The following PIEZO1 variants were observed in gnomAD, a reference collection of about 807,000 sequenced individuals.
PIEZO1 encodes the protein piezo type mechanosensitive ion channel component 1 (Er blood group), also known as piezo-type mechanosensitive ion channel component 1.
In PIEZO1, 296 loss-of-function variants were observed where a neutral mutation model predicts 297.2. The ratio of observed to expected loss-of-function variants is 1.00; its 90% confidence interval spans 0.91 to 1.10. The LOEUF (loss-of-function observed/expected upper bound fraction) is 1.10, where lower values mean the gene tolerates loss of function less well. Ranked by LOEUF, PIEZO1 falls within the 50% of genes least tolerant of loss-of-function variation. The pLI is 0.00. For synonymous variants in PIEZO1, 2,427 were observed against 1,507.5 expected, an observed-to-expected ratio of 1.61 and a Z score of -14.13; for missense variants, 5,018 against 3,455.5, an observed-to-expected ratio of 1.45 and a Z score of -11.34.
chr16:88,780,114 C>G (rs949436925), intron 1 of PIEZO1, among the ~76,000 whole-genome samples: 11 of 152,204 alleles, frequency 7.2e-5, no homozygotes, highest in African/African-American at 2.7e-4. Context: ...GGTCGGCCAC[C>G]CCTCTGCCTG....
intron 1 of PIEZO1, among the ~76,000 whole-genome samples, chr16:88,759,904 T>TG (rs1420338938): frequency 3.2e-4 from 48 of 152,206 alleles, no homozygotes; most frequent in African/African-American, 1.1e-3. Context: ...GGAGGGGACC[T>TG]GGGGGGCTCC....
intron 2 of PIEZO1, among the ~76,000 whole-genome samples, chr16:88,744,625 T>C (rs4782405): frequency 0.54 from 78,254 of 145,776 alleles, 21,792 homozygotes; most frequent in Non-Finnish European, 0.63. Flanking sequence ...ATCTCGGATG[T>C]CACTGCTTCC....
intron 1 of PIEZO1, among the ~76,000 whole-genome samples, chr16:88,767,958 C>T (rs1209443674): frequency 2.6e-5 from 4 of 152,208 alleles, no homozygotes; most frequent in African/African-American, 9.7e-5. Flanking sequence ...ATGCTTCTCC[C>T]GCTCCCTCCC....
rs889753868 is a variant in PIEZO1, at chr16:88,727,351, C to T, written c.3302-159G>A. ...GTGGCCGGGTGTCCCTGGGGGAGCC[C>T]CGGTGTGAGGGCATCTGCACAAGGG... On this transcript the variant is annotated intron_variant, in intron 23 of 50. Transcript: ENST00000301015. Among the ~76,000 whole-genome samples the T allele has an allele frequency of 5.3e-5, 8 of 152,338 alleles. No individual in the cohort carries two copies. In the South Asian group the frequency reaches 1.0e-3, roughly 20 times the overall value.
At chr16:88,717,666 C>G (rs752559149) in intron 44 of PIEZO1, 13 of 443,396 alleles carry the variant, frequency 2.9e-5, no homozygotes, top group South Asian at 1.6e-4. Flanking sequence ...AAAATAAATA[C>G]TTTGTGCTTC....
intron 1 of PIEZO1, among the ~76,000 whole-genome samples, chr16:88,767,029 G>C (rs543787487): frequency 2.0e-5 from 3 of 152,206 alleles, no homozygotes; most frequent in African/African-American, 7.2e-5. Flanking sequence ...TGAGTGCCGC[G>C]ACTGCTCTGC....
At position 88,719,933 on chromosome 16, in the gene PIEZO1, C is replaced by T. The variant is rs1390846370; in HGVS notation, c.6192G>A (p.Gln2064=). The T allele has an allele frequency of 1.0e-5, 16 of 1,550,268 alleles. No homozygotes were observed. The Admixed American group carries it at 1.4e-4, about 13-fold the overall frequency. Residue 2064 remains glutamine, a synonymous_variant, in exon 43 of 51, where the codon CAG becomes CAA. Transcript: ENST00000301015. Reference sequence around the variant, plus strand: ...AGATGCACTTCACGAAGTACCAGAGCTGGGCCACCACATTCTGGTTGAACA... The same window carrying T: ...AGATGCACTTCACGAAGTACCAGAGTTGGGCCACCACATTCTGGTTGAACA... ...ERMFNQNVVA[Q]LWYFVKCIYF...
rs1355374549 is a variant in PIEZO1 at position 88,734,015 on chromosome 16, C to T, written c.2220G>A (p.Glu740=). 5.2e-6 allele frequency: 8 copies of T among 1,547,402 alleles called. No homozygotes were observed. The highest frequency in any genetic ancestry group is 5.2e-6 in the Non-Finnish European group (6 of 1,144,996). ...AVSGTPLLRE[E]QQEHQQQQQE... is the part of the protein sequence containing the mutation. ...GCTGCTGCTGCTGATGCTCCTGCTG[C>T]TCCTCCCGCAGCAGTGGGGTCCCAC... The change falls in exon 17 of 51, where the codon GAG becomes GAA. Residue 740 remains glutamate (E), a synonymous_variant. Transcript: ENST00000301015.
intron 39 of PIEZO1, 110 bp from the exon 40 acceptor site, chr16:88,720,858 C>T (rs79765279): frequency 1.8e-4 from 222 of 1,262,130 alleles, no homozygotes; most frequent in South Asian, 1.0e-3. Flanking sequence ...GACAAGCAGA[C>T]GGAGCACAGG....
chr16:88,734,502 G>A lies in PIEZO1; in HGVS notation c.2034C>T (p.Ser678=), dbSNP rs918800272. ...GDLGLEQFSV[S]ELFSSILVPG... is the part of the protein sequence containing the mutation. ...GCACCAGGATGCTGGAGAAGAGCTC[G>A]GACACGCTGAACTGCTCCAGGCCCA... The change falls in exon 16 of 51, where the codon TCC becomes TCT. Residue 678 remains serine, a synonymous_variant. Coordinates refer to ENST00000301015, the MANE Select transcript of PIEZO1 (RefSeq NM_001142864.4). 5.8e-6 allele frequency: 9 copies of A among 1,548,160 alleles called. No homozygotes were observed. Among genetic ancestry groups the A allele is most frequent in the Admixed American group, 2.0e-5 (1 of 50,912 alleles).
chr16:88,761,554 G>A (rs1906933121), intron 1 of PIEZO1, among the ~76,000 whole-genome samples: 1 of 152,194 alleles, frequency 6.6e-6, no homozygotes, highest in African/African-American at 2.4e-5. Flanking sequence ...TGAGCTGGGA[G>A]GTGCCTTTGC....
chr16:88,743,088 G>A (rs773945579), intron 2 of PIEZO1: 11 of 456,470 alleles, frequency 2.4e-5, no homozygotes, highest in East Asian at 1.4e-4. Context: ...GGCAGGAAGC[G>A]GCAGCACCAT....
chr16:88,742,936 G>T, intron 2 of PIEZO1: 1 of 390,624 alleles, frequency 2.6e-6, no homozygotes, highest in South Asian at 1.9e-5. Context: ...GGGGCTGAGG[G>T]GCTGCAAGGA....
At chr16:88,783,793 T>C (rs903756414) in intron 1 of PIEZO1, among the ~76,000 whole-genome samples, 1 of 152,214 alleles carries the variant, frequency 6.6e-6, no homozygotes, top group Non-Finnish European at 1.5e-5. Context: ...ACCACCTTTC[T>C]GTGCGACCGA....
At chr16:88,732,992 C>A (rs1904969303) in intron 19 of PIEZO1, 2 of 581,214 alleles carry the variant, frequency 3.4e-6, no homozygotes, top group Non-Finnish European at 6.1e-6. Flanking sequence ...GGCAGAGATG[C>A]CTGACTGTCT....
At chr16:88,760,229 G>T (rs61178757) in intron 1 of PIEZO1, among the ~76,000 whole-genome samples, 2 of 152,072 alleles carry the variant, frequency 1.3e-5, no homozygotes, top group African/African-American at 4.8e-5. Flanking sequence ...GCTCCCCCGG[G>T]GCGCTGGACC....
At chr16:88,721,785 C>G (rs1191801177) in intron 37 of PIEZO1, 23 bp downstream of exon 37, 12 of 1,537,860 alleles carry the variant, frequency 7.8e-6, no homozygotes, top group Non-Finnish European at 1.1e-5. Flanking sequence ...CCGGGCGCCC[C>G]CTCCCCCGCG....
intron 7 of PIEZO1, 23 bp downstream of exon 7, chr16:88,738,203 AG>A: frequency 1.3e-6 from 2 of 1,533,030 alleles, no homozygotes; most frequent in Non-Finnish European, 1.7e-6. Context: ...GGCAGGAAAA[AG>A]GGGCTGTGTG....
chr16:88,720,362 T>C lies in PIEZO1; in HGVS notation c.5949+23A>G, dbSNP rs990950198. ...GCTGCTGAGCTCTGCGTACACTGGG[T>C]TTGGGTCCCGGGCCTGGCTCACCCC... On this transcript the variant is annotated intron_variant, in intron 41 of 50. Coordinates refer to ENST00000301015, the MANE Select transcript of PIEZO1 (RefSeq NM_001142864.4). 7.1e-6 allele frequency: 11 copies of C among 1,549,910 alleles called. No homozygotes were observed. The Admixed American group carries it at 9.8e-5, about 14-fold the overall frequency.
Sources: gnomAD v4.1 joint callset for allele counts (sites outside exome capture counted in the v4.1 genomes callset) on GRCh38, gnomAD v4.1.1 for gene constraint, MANE v1.5 for transcripts, NCBI Gene and HGNC (gene_info 2026-07-23, HGNC 2026-07-21) for gene names.